KIRREL3: variants seen among roughly 807,000 people sequenced by gnomAD.
The protein encoded by KIRREL3 is kin of IRRE-like protein 3.
Under a neutral mutation model 89.7 loss-of-function variants are expected in KIRREL3, and 36 were observed. The observed-to-expected ratio is 0.40, with a 90% CI of 0.31 to 0.53. The LOEUF (loss-of-function observed/expected upper bound fraction) is 0.53, where lower values mean the gene tolerates loss of function less well. KIRREL3 is among the 20% of genes least tolerant of loss of function. The pLI, the probability that KIRREL3 is intolerant of heterozygous loss-of-function variation, is 0.49. For missense variants in KIRREL3, 864 were observed against 1,056.6 expected (o/e 0.82, Z 2.53); for synonymous variants, 445 against 441.4 (o/e 1.01, Z -0.10).
intron 1 of KIRREL3, among the ~76,000 whole-genome samples, chr11:126,770,811 G>T (rs929101272): frequency 6.6e-6 from 1 of 152,138 alleles, no homozygotes; most frequent in Non-Finnish European, 1.5e-5. Flanking sequence ...GAAGATGGAA[G>T]GGGCAGAAAG....
chr11:126,611,273 C>T lies in KIRREL3; in HGVS notation c.56-48361G>A, dbSNP rs1049407639. On this transcript the variant is annotated intron_variant, in intron 1 of 16. Coordinates refer to ENST00000525144, the MANE Select transcript of KIRREL3 (RefSeq NM_032531.4). This position sits in a 1 kb window ranked among gnomAD's most constrained non-coding sequence, Gnocchi z 4.7. ...TTAGCTGCTATTACTGTTGTTCCTA[C>T]CACCGCACCCTCTCCCATTCCTTTC... Among the ~76,000 whole-genome samples the T allele has an allele frequency of 1.3e-5, 2 of 152,194 alleles. No individual in the cohort carries two copies. Among genetic ancestry groups the T allele is most frequent in the African/African-American group, 4.8e-5 (2 of 41,456 alleles).
chr11:126,756,989 A>G (rs1949524580), intron 1 of KIRREL3, among the ~76,000 whole-genome samples: 1 of 152,132 alleles, frequency 6.6e-6, no homozygotes, highest in African/African-American at 2.4e-5. Context: ...GTCTTCCAAC[A>G]AATGCGGCTC....
chr11:126,439,309 G>A (rs985248430), intron 11 of KIRREL3, among the ~76,000 whole-genome samples: 1 of 151,666 alleles, frequency 6.6e-6, no homozygotes, highest in Non-Finnish European at 1.5e-5. Context: ...CAGCCTGGGT[G>A]ATAGAGAGAG....
At chr11:126,657,326 C>T (rs1945194696) in intron 1 of KIRREL3, among the ~76,000 whole-genome samples, 1 of 152,092 alleles carries the variant, frequency 6.6e-6, no homozygotes, top group African/African-American at 2.4e-5. Context: ...TAGACAACTG[C>T]TGGTTTAAAA....
At chr11:126,671,968 C>T (rs914853854) in intron 1 of KIRREL3, among the ~76,000 whole-genome samples, 25 of 152,190 alleles carry the variant, frequency 1.6e-4, no homozygotes, top group African/African-American at 5.8e-4. Flanking sequence ...ACAAAAACCT[C>T]CACGAGAAGG....
At position 126,429,336 on chromosome 11, in the gene KIRREL3, T is replaced by C; in HGVS notation, c.1697-48A>G. 1 of 1,381,058 alleles carries C rather than the reference T, an allele frequency of 7.2e-7. No homozygotes were observed. Among genetic ancestry groups the C allele is most frequent in the South Asian group, 1.2e-5 (1 of 85,186 alleles). 85.6% of individuals were successfully genotyped at this position (1,381,058 alleles called of 1,614,324 possible). A position where few individuals can be genotyped will look rare whatever the true frequency, so the allele number is the denominator to read the frequency against. On this transcript the variant is annotated intron_variant, in intron 14 of 16. Coordinates refer to ENST00000525144, the MANE Select transcript of KIRREL3 (RefSeq NM_032531.4). This position sits in a 1 kb window ranked among gnomAD's most constrained non-coding sequence, Gnocchi z 5.2. ...TAGATGATAGATTTAGTTCTTACCTTTGAGATGTCAAGCTCCCTTGCAGTC... is the reference window on the plus strand; with the variant it reads ...TAGATGATAGATTTAGTTCTTACCTCTGAGATGTCAAGCTCCCTTGCAGTC...
Position 126,528,265 on chromosome 11 carries a change from G to A in KIRREL3, c.134-1578C>T, listed in dbSNP as rs1345275839. On this transcript the variant is annotated intron_variant, in intron 2 of 16. Coordinates refer to ENST00000525144, the MANE Select transcript of KIRREL3 (RefSeq NM_032531.4). The surrounding 1 kb of genome is among the most constrained non-coding windows in gnomAD (Gnocchi z 4.6). ...GGGAGAGTCAGGGGCAGCCACAGAC[G>A]TCCTGGACACTGGCTGCTGCCCATC... is the stretch of plus-strand genomic sequence containing the variant. 6.6e-6 allele frequency among the ~76,000 whole-genome samples: 1 copy of A among 152,240 alleles called. No individual in the cohort carries two copies. The highest frequency in any genetic ancestry group is 1.9e-4 in the East Asian group (1 of 5,192).
At chr11:126,497,253 T>C (rs912387362) in intron 4 of KIRREL3, among the ~76,000 whole-genome samples, 1 of 151,434 alleles carries the variant, frequency 6.6e-6, no homozygotes, top group Non-Finnish European at 1.5e-5. Context: ...AGTGTGTGCG[T>C]GACAGTGTGA....
In KIRREL3 at chr11:126,955,164, T is replaced by C. The variant is rs544511077; in HGVS notation, c.55+45291A>G. Among the ~76,000 whole-genome samples the C allele has an allele frequency of 1.3e-5, 2 of 152,214 alleles. No homozygotes were observed. The highest frequency in any genetic ancestry group is 4.1e-4 in the South Asian group (2 of 4,820). On this transcript the variant is annotated intron_variant, in intron 1 of 16. Transcript: ENST00000525144. This position sits in a 1 kb window ranked among gnomAD's most constrained non-coding sequence, Gnocchi z 4.6. ...TTCCTAATGCAGTAGGTTTCAAGCA[T>C]GAATTAGGGGAAGGGGCCAACAGGG...
chr11:126,976,888 G>A lies in KIRREL3; in HGVS notation c.55+23567C>T, dbSNP rs1357796782. Among the ~76,000 whole-genome samples, 2 of 152,050 alleles carry A rather than the reference G, an allele frequency of 1.3e-5. No homozygotes were observed. The highest frequency in any genetic ancestry group is 2.9e-5 in the Non-Finnish European group (2 of 68,024). ...CTGGGTGACTCTAAACCACCAACTT[G>A]TATGATCTCTTCCTGTCACATCCCC... On this transcript the variant is annotated intron_variant, in intron 1 of 16. Coordinates refer to ENST00000525144, the MANE Select transcript of KIRREL3 (RefSeq NM_032531.4). The surrounding 1 kb of genome is among the most constrained non-coding windows in gnomAD (Gnocchi z 4.2).
intron 1 of KIRREL3, among the ~76,000 whole-genome samples, chr11:126,928,828 C>T (rs373328719): frequency 5.9e-5 from 9 of 152,142 alleles, no homozygotes; most frequent in South Asian, 4.1e-4. Flanking sequence ...AAGTTTGTGG[C>T]GCTTATGAGC....
At position 126,570,199 on chromosome 11, in the gene KIRREL3, C is replaced by G. The variant is rs1471383572; in HGVS notation, c.56-7287G>C. ...TCATTGCTTGCTAATTCTAAGTTTA[C>G]TAAATAACTATAAACTTTACGTTGT... On this transcript the variant is annotated intron_variant, in intron 1 of 16. Transcript: ENST00000525144. This position sits in a 1 kb window ranked among gnomAD's most constrained non-coding sequence, Gnocchi z 6.1. 1.3e-5 allele frequency among the ~76,000 whole-genome samples: 2 copies of G among 152,090 alleles called. No homozygotes were observed. The highest frequency in any genetic ancestry group is 4.8e-5 in the African/African-American group (2 of 41,404).
intron 1 of KIRREL3, among the ~76,000 whole-genome samples, chr11:126,672,682 G>T (rs1424173377): frequency 6.6e-6 from 1 of 152,170 alleles, no homozygotes; most frequent in Non-Finnish European, 1.5e-5. Flanking sequence ...TTTGTCCTTG[G>T]TTCCCAGCAT....
In KIRREL3 at chr11:126,614,431, T is replaced by G. The variant is rs187814113; in HGVS notation, c.56-51519A>C. 1.2e-4 allele frequency among the ~76,000 whole-genome samples: 18 copies of G among 152,314 alleles called. No individual in the cohort carries two copies. Among genetic ancestry groups the G allele is most frequent in the African/African-American group, 4.3e-4 (18 of 41,576 alleles). On this transcript the variant is annotated intron_variant, in intron 1 of 16. Coordinates refer to ENST00000525144, the MANE Select transcript of KIRREL3 (RefSeq NM_032531.4). This position sits in a 1 kb window ranked among gnomAD's most constrained non-coding sequence, Gnocchi z 4.6. Reference sequence around the variant, plus strand: ...AAAGGTTGAACTAAGATGGATGGGTTTTAATCTTAGCTGCGTATTAGAATG... The same window carrying G: ...AAAGGTTGAACTAAGATGGATGGGTGTTAATCTTAGCTGCGTATTAGAATG...
At chr11:126,436,507 C>T (rs1955340832) in intron 12 of KIRREL3, among the ~76,000 whole-genome samples, 1 of 152,266 alleles carries the variant, frequency 6.6e-6, no homozygotes, top group African/African-American at 2.4e-5. Flanking sequence ...GGCAGCTTGT[C>T]ACTGCCACCA....
rs1946546125 is a variant in KIRREL3 at position 126,683,447 on chromosome 11, G to A, written c.56-120535C>T. 6.6e-6 allele frequency among the ~76,000 whole-genome samples: 1 copy of A among 152,202 alleles called. No homozygotes were observed. On this transcript the variant is annotated intron_variant, in intron 1 of 16. Transcript: ENST00000525144. This position sits in a 1 kb window ranked among gnomAD's most constrained non-coding sequence, Gnocchi z 5.2. The stretch of plus-strand genomic sequence containing the variant: ...ATCCAACTCTGAGAAATGGGTCTGG[G>A]CATCCACTGCTTTCACCGAGGGTCT...
chr11:126,450,983 ATG>A (rs1485411152), intron 7 of KIRREL3, among the ~76,000 whole-genome samples: 9 of 131,218 alleles, frequency 6.9e-5, no homozygotes, highest in Non-Finnish European at 1.3e-4. Flanking sequence ...GGGTGTGTGC[ATG>A]TGTCAATGTG....
Position 127,000,355 on chromosome 11 carries a change from G to C in KIRREL3, c.55+100C>G. On this transcript the variant is annotated intron_variant, in intron 1 of 16. Coordinates refer to ENST00000525144, the MANE Select transcript of KIRREL3 (RefSeq NM_032531.4). This position sits in a 1 kb window ranked among gnomAD's most constrained non-coding sequence, Gnocchi z 7.1. Reference sequence around the variant, plus strand: ...CCGGCACCGAGAGACGCATCCATCAGTCCGAGTTCCCGAAGCCTGCCCACG... The same window carrying C: ...CCGGCACCGAGAGACGCATCCATCACTCCGAGTTCCCGAAGCCTGCCCACG... 1.1e-6 allele frequency: 1 copy of C among 943,440 alleles called. No individual in the cohort carries two copies. The highest frequency in any genetic ancestry group is 1.7e-5 in the African/African-American group (1 of 59,812). The allele number at this position is 943,440 out of a possible 1,614,324, so 58.4% of individuals were successfully genotyped here. A position where few individuals can be genotyped will look rare whatever the true frequency, so the allele number is the denominator to read the frequency against.
In KIRREL3 at chr11:126,948,750, G is replaced by T. The variant is rs537017477; in HGVS notation, c.55+51705C>A. Among the ~76,000 whole-genome samples, 1 of 152,136 alleles carries T rather than the reference G, an allele frequency of 6.6e-6. No individual in the cohort carries two copies. The highest frequency in any genetic ancestry group is 1.5e-5 in the Non-Finnish European group (1 of 68,032). On this transcript the variant is annotated intron_variant, in intron 1 of 16. Transcript: ENST00000525144. The surrounding 1 kb of genome is among the most constrained non-coding windows in gnomAD (Gnocchi z 4.5). ...ACGCCATCCATAGGGTAAACAAAGT[G>T]GTACAATGGTTAGTTCAACTCCAGC... is the stretch of plus-strand genomic sequence containing the variant.
Sources: allele counts gnomAD v4.1 joint callset (sites outside exome capture counted in the v4.1 genomes callset), GRCh38; gene constraint gnomAD v4.1.1; non-coding constraint Gnocchi (gnomAD v3.1); transcripts MANE v1.5; gene names NCBI Gene and HGNC (gene_info 2026-07-23, HGNC 2026-07-21).